NAA11: variants seen among roughly 807,000 people sequenced by gnomAD.
NAA11 encodes N-alpha-acetyltransferase 11.
NAA11 carries 15 observed loss-of-function variants against 16.1 expected under a neutral mutation model. That is an observed-to-expected ratio of 0.93 (90% CI 0.62 to 1.44). NAA11 has a LOEUF of 1.44. Among genes scored for constraint, NAA11 ranks in the 40% most tolerant of loss-of-function variants. NAA11 has a pLI of 0.00. For synonymous variants in NAA11, 122 were observed against 112.4 expected (o/e 1.09, Z -0.54); for missense variants, 298 against 291.3 (o/e 1.02, Z -0.17).
the NAA11 span, among the ~76,000 whole-genome samples, chr4:79,160,097 T>C: frequency 1.1e-3 from 171 of 152,024 alleles, 2 homozygotes; most frequent in Non-Finnish European, 1.3e-4. Context: ...GTTCAAGTTA[T>C]TCTTCTGCCT....
chr4:79,206,201 G>T, the NAA11 span, among the ~76,000 whole-genome samples: 2 of 152,058 alleles, frequency 1.3e-5, no homozygotes, highest in African/African-American at 4.8e-5. Flanking sequence ...GCTTTAGGCA[G>T]TATGGTCATT....
At chr4:79,273,819 G>T (rs1722554285) in intron 2 of NAA11, among the ~76,000 whole-genome samples, 1 of 152,032 alleles carries the variant, frequency 6.6e-6, no homozygotes, top group Non-Finnish European at 1.5e-5. Context: ...AAAACGTGCA[G>T]AAATTCTTTC....
the NAA11 span, among the ~76,000 whole-genome samples, chr4:79,204,633 A>G: frequency 6.7e-6 from 1 of 149,766 alleles, no homozygotes; most frequent in African/African-American, 2.5e-5. Flanking sequence ...AAATTGGTGA[A>G]GTCTGGGCTT....
chr4:79,248,063 G>C (rs929871402), intron 2 of NAA11, among the ~76,000 whole-genome samples: 1 of 152,162 alleles, frequency 6.6e-6, no homozygotes, highest in Non-Finnish European at 1.5e-5. Flanking sequence ...TCTTGCCTAT[G>C]AGATGAGGCC....
intron 2 of NAA11, among the ~76,000 whole-genome samples, chr4:79,253,991 A>G (rs1722048775): frequency 6.6e-6 from 1 of 152,184 alleles, no homozygotes; most frequent in Non-Finnish European, 1.5e-5. Context: ...AACATAAATA[A>G]CTTCACAGGG....
chr4:79,248,245 C>T (rs1721889369), intron 2 of NAA11, among the ~76,000 whole-genome samples: 1 of 152,078 alleles, frequency 6.6e-6, no homozygotes, highest in South Asian at 2.1e-4. Context: ...AGCAGAACGG[C>T]CTCCCCACTG....
At chr4:79,176,841 C>CTTGG in the NAA11 span, among the ~76,000 whole-genome samples, 2 of 152,146 alleles carry the variant, frequency 1.3e-5, no homozygotes, top group African/African-American at 4.8e-5. Flanking sequence ...CCATGCACGT[C>CTTGG]CCAAGGACAA....
intron 1 of NAA11, among the ~76,000 whole-genome samples, chr4:79,303,074 TTTTATA>T (rs1189552304): frequency 9.7e-5 from 7 of 72,284 alleles, no homozygotes; most frequent in East Asian, 2.9e-4. Context: ...TCTTGAGGCC[TTTTATA>T]TATATATATA....
chr4:79,190,597 C>T, the NAA11 span, among the ~76,000 whole-genome samples: 1 of 151,898 alleles, frequency 6.6e-6, no homozygotes, highest in Admixed American at 6.6e-5. Context: ...CTGTGCCAGA[C>T]GTTAAAGATA....
chr4:79,228,771 T>A (rs759279864), intron 2 of NAA11, among the ~76,000 whole-genome samples: 1 of 152,170 alleles, frequency 6.6e-6, no homozygotes, highest in South Asian at 2.1e-4. Context: ...TCTATAAACA[T>A]TCATGTACCA....
chr4:79,325,518 G>A lies in NAA11; in HGVS notation c.360C>T (p.His120=). 1 of 1,614,156 alleles carries A rather than the reference G, an allele frequency of 6.2e-7. No homozygotes were observed. Among genetic ancestry groups the A allele is most frequent in the South Asian group, 1.1e-5 (1 of 91,088 alleles). ...HVRKSNRPAL[H]LYSNTLNFQI... is the part of the protein sequence containing the mutation. The stretch of plus-strand genomic sequence containing the variant: ...GAAAGTTGAGGGTGTTAGAATAAAG[G>A]TGCAAGGCTGGCCGGTTACTCTTCC... The change falls in exon 1 of 2, where the codon CAC becomes CAT. Residue 120 remains histidine (H), a synonymous_variant. Coordinates refer to ENST00000286794, the MANE Select transcript of NAA11 (RefSeq NM_032693.3).
chr4:79,213,950 T>TG, the NAA11 span, among the ~76,000 whole-genome samples: 1 of 152,322 alleles, frequency 6.6e-6, no homozygotes, highest in South Asian at 2.1e-4. Flanking sequence ...ACTGATATCC[T>TG]GGGGCTGGCT....
intron 2 of NAA11, among the ~76,000 whole-genome samples, chr4:79,256,572 T>A (rs1722109997): frequency 6.6e-6 from 1 of 150,824 alleles, no homozygotes; most frequent in South Asian, 2.1e-4. Flanking sequence ...GCTCAGTGAT[T>A]AGATCCATTA....
chr4:79,285,813 A>G (rs1485057033), intron 2 of NAA11, among the ~76,000 whole-genome samples: 1 of 152,024 alleles, frequency 6.6e-6, no homozygotes, highest in East Asian at 1.9e-4. Context: ...ACTATAGTAA[A>G]TTTTAGAGGC....
chr4:79,306,277 G>A (rs10857088), intron 1 of NAA11, among the ~76,000 whole-genome samples: 88,134 of 152,010 alleles, frequency 0.58, 25,872 homozygotes, highest in East Asian at 0.85. Context: ...TGTGGCTTAA[G>A]TGACAGAAAT....
At chr4:79,298,765 G>T (rs970761599) in intron 1 of NAA11, among the ~76,000 whole-genome samples, 1 of 152,220 alleles carries the variant, frequency 6.6e-6, no homozygotes, top group Admixed American at 6.5e-5. Context: ...CTGGCCAAGT[G>T]GGCGAAATGA....
At chr4:79,269,561 C>A (rs1240390678) in intron 2 of NAA11, among the ~76,000 whole-genome samples, 1 of 150,052 alleles carries the variant, frequency 6.7e-6, no homozygotes, top group Non-Finnish European at 1.5e-5. Flanking sequence ...TTGTTTTTTT[C>A]TTGTAAATTT....
chr4:79,189,145 C>CAAAAAAAAAAAAAAAAA, the NAA11 span, among the ~76,000 whole-genome samples: 5,787 of 42,074 alleles, frequency 0.14, 2,038 homozygotes, highest in Non-Finnish European at 0.2. Flanking sequence ...GACTCCATCT[C>CAAAAAAAAAAAAAAAAA]AAAAAAAAAA....
intron 2 of NAA11, among the ~76,000 whole-genome samples, chr4:79,255,851 AC>A (rs1445748235): frequency 3.3e-5 from 5 of 152,212 alleles, no homozygotes; most frequent in Non-Finnish European, 5.9e-5. Flanking sequence ...TCATATTTAT[AC>A]CCACTTTTAA....
Sources: allele counts gnomAD v4.1 joint callset (sites outside exome capture counted in the v4.1 genomes callset), GRCh38; gene constraint gnomAD v4.1.1; transcripts MANE v1.5; gene names NCBI Gene and HGNC (gene_info 2026-07-23, HGNC 2026-07-21).